Variants in COL26A1 observed in about 807,000 individuals in gnomAD.
COL26A1 encodes the protein collagen alpha-1(XXVI) chain.
COL26A1 carries 41 observed loss-of-function variants against 59.3 expected under a neutral mutation model. The ratio of observed to expected loss-of-function variants is 0.69; its 90% CI spans 0.54 to 0.90. COL26A1 has a LOEUF of 0.90. COL26A1 is among the 40% of genes least tolerant of loss of function. The probability of loss-of-function intolerance (pLI) is 0.00; values close to 1 mark genes in which losing one functional copy is unlikely to be tolerated. For synonymous variants in COL26A1, 266 were observed against 256.0 expected (o/e 1.04, Z -0.37); for missense variants, 612 against 602.3 (o/e 1.02, Z -0.17).
intron 3 of COL26A1, among the ~76,000 whole-genome samples, chr7:101,511,329 T>A (rs547293376): frequency 6.6e-6 from 1 of 152,308 alleles, no homozygotes; most frequent in East Asian, 1.9e-4. Context: ...GGCTTTGACT[T>A]GGGAAAGCAT....
At chr7:101,474,210 T>A (rs1222868287) in intron 3 of COL26A1, among the ~76,000 whole-genome samples, 1 of 152,144 alleles carries the variant, frequency 6.6e-6, no homozygotes, top group Non-Finnish European at 1.5e-5. Flanking sequence ...GCCACATAGA[T>A]AGTAAGTGAA....
Position 101,475,138 on chromosome 7 carries a change from G to T in COL26A1, c.385+27351G>T, listed in dbSNP as rs1794002068. 2.0e-5 allele frequency among the ~76,000 whole-genome samples: 3 copies of T among 150,868 alleles called. No homozygotes were observed. The South Asian group carries it at 6.2e-4, about 31-fold the overall frequency. ...TTGAACCTGGGAGGCAGAGGCGGAGGTGAGCCGAGATCGCGCCACTGCACT... is the reference window on the plus strand; with the variant it reads ...TTGAACCTGGGAGGCAGAGGCGGAGTTGAGCCGAGATCGCGCCACTGCACT... On this transcript the variant is annotated intron_variant, in intron 3 of 12. Coordinates refer to ENST00000313669, the MANE Select transcript of COL26A1 (RefSeq NM_001278563.3).
chr7:101,374,358 G>A (rs1034429652), intron 1 of COL26A1, among the ~76,000 whole-genome samples: 1 of 152,170 alleles, frequency 6.6e-6, no homozygotes, highest in African/African-American at 2.4e-5. Context: ...TCTATGTAAA[G>A]CAGGAGTCCC....
At chr7:101,488,235 C>G (rs538200756) in intron 3 of COL26A1, among the ~76,000 whole-genome samples, 2 of 149,670 alleles carry the variant, frequency 1.3e-5, no homozygotes, top group African/African-American at 4.9e-5. Flanking sequence ...GAGCTAAGAT[C>G]GCGCCACTAC....
At chr7:101,500,820 C>G (rs1197145334) in intron 3 of COL26A1, among the ~76,000 whole-genome samples, 2 of 151,616 alleles carry the variant, frequency 1.3e-5, no homozygotes, top group Non-Finnish European at 2.9e-5. Flanking sequence ...GACGCTGTCT[C>G]AATAAATAAA....
intron 1 of COL26A1, among the ~76,000 whole-genome samples, chr7:101,406,230 C>T (rs528445573): frequency 2.1e-4 from 32 of 152,260 alleles, no homozygotes; most frequent in African/African-American, 7.0e-4. Flanking sequence ...TGCGGTGCTT[C>T]GAAATGGACA....
intron 12 of COL26A1, among the ~76,000 whole-genome samples, chr7:101,556,157 T>C (rs1172084130): frequency 6.6e-6 from 1 of 152,224 alleles, no homozygotes; most frequent in Admixed American, 6.5e-5. Context: ...GCTCGGGCCA[T>C]GCCTCTGCCT....
At chr7:101,502,036 C>T (rs1794717217) in intron 3 of COL26A1, among the ~76,000 whole-genome samples, 1 of 152,188 alleles carries the variant, frequency 6.6e-6, no homozygotes, top group Non-Finnish European at 1.5e-5. Flanking sequence ...GCCAGGCTCC[C>T]TAGAAAAATC....
chr7:101,522,487 T>C (rs1304256227), intron 3 of COL26A1, among the ~76,000 whole-genome samples: 1 of 152,244 alleles, frequency 6.6e-6, no homozygotes, highest in East Asian at 1.9e-4. Context: ...TTCCTCACCA[T>C]GTTTGGGAAC....
At chr7:101,548,834 G>T (rs1475132207) in intron 8 of COL26A1, among the ~76,000 whole-genome samples, 1 of 152,184 alleles carries the variant, frequency 6.6e-6, no homozygotes, top group East Asian at 1.9e-4. Flanking sequence ...AGGCGGGAAA[G>T]ACCGGAGAGA....
chr7:101,544,007 G>A lies in COL26A1; in HGVS notation c.614G>A (p.Gly205Glu). Residue 205 changes from glycine to glutamate, a missense_variant, in exon 6 of 13, where the codon GGG becomes GAG. By Grantham distance (98) the Gly-to-Glu change is moderately conservative. Coordinates refer to ENST00000313669, the MANE Select transcript of COL26A1 (RefSeq NM_001278563.3). Reference sequence around the variant, plus strand: ...CTCCTTCTCTCCCCAGGGCCCCCGGGGCAGACAGGACCACCAGGGCCTGCA... The same window carrying A: ...CTCCTTCTCTCCCCAGGGCCCCCGGAGCAGACAGGACCACCAGGGCCTGCA... ...RRPTGPAGPP[G>E]QTGPPGPAGP... 6.3e-7 allele frequency: 1 copy of A among 1,575,544 alleles called. No individual in the cohort carries two copies. The highest frequency in any genetic ancestry group is 8.6e-7 in the Non-Finnish European group (1 of 1,161,044).
intron 2 of COL26A1, among the ~76,000 whole-genome samples, chr7:101,429,951 A>T (rs532489436): frequency 6.6e-5 from 10 of 152,156 alleles, no homozygotes; most frequent in Non-Finnish European, 2.9e-5. Context: ...TAAATTTCAG[A>T]ATAATCTTGT....
At chr7:101,517,533 T>A (rs753235323) in intron 3 of COL26A1, among the ~76,000 whole-genome samples, 2 of 152,156 alleles carry the variant, frequency 1.3e-5, no homozygotes, top group Non-Finnish European at 2.9e-5. Context: ...CCCACTTATA[T>A]AATCATCAGA....
chr7:101,544,855 C>T (rs1260999879), intron 6 of COL26A1, among the ~76,000 whole-genome samples: 6 of 152,072 alleles, frequency 3.9e-5, no homozygotes, highest in African/African-American at 1.2e-4. Flanking sequence ...TCAGGGGCTT[C>T]GGGTACAGGC....
At chr7:101,403,923 C>T (rs1363452638) in intron 1 of COL26A1, among the ~76,000 whole-genome samples, 1 of 152,118 alleles carries the variant, frequency 6.6e-6, no homozygotes, top group Admixed American at 6.6e-5. Flanking sequence ...TGGTGAAACC[C>T]TGTCTCTACT....
intron 3 of COL26A1, among the ~76,000 whole-genome samples, chr7:101,505,989 C>T (rs1268942015): frequency 6.6e-6 from 1 of 152,206 alleles, no homozygotes; most frequent in Non-Finnish European, 1.5e-5. Context: ...CAGCTCGTTA[C>T]ACCTTCGAGG....
chr7:101,489,766 CTTT>C, intron 3 of COL26A1, among the ~76,000 whole-genome samples: 1 of 3,666 alleles, frequency 2.7e-4, no homozygotes, highest in East Asian at 3.6e-3. Flanking sequence ...CTCTTTCTTT[CTTT>C]CTTTCTTTCT....
chr7:101,463,795 TTC>T (rs1160560607), intron 3 of COL26A1, among the ~76,000 whole-genome samples: 3 of 72,858 alleles, frequency 4.1e-5, no homozygotes, highest in Admixed American at 1.3e-4. Context: ...CTTCCTTTCT[TTC>T]TCTCTCTCTT....
intron 3 of COL26A1, among the ~76,000 whole-genome samples, chr7:101,522,005 A>G (rs2130612235): frequency 6.6e-6 from 1 of 152,258 alleles, no homozygotes; most frequent in Admixed American, 6.5e-5. Flanking sequence ...TTATTTATCC[A>G]GTTGGCCATT....
Sources: gnomAD v4.1 joint callset for allele counts (sites outside exome capture counted in the v4.1 genomes callset) on GRCh38, gnomAD v4.1.1 for gene constraint, MANE v1.5 for transcripts, NCBI Gene and HGNC (gene_info 2026-07-23, HGNC 2026-07-21) for gene names.